ATP11A: variants seen among roughly 807,000 people sequenced by gnomAD.
ATP11A encodes the protein phospholipid-transporting ATPase IH.
A neutral mutation model predicts 154.4 loss-of-function variants in ATP11A; 81 were observed. The ratio of observed to expected loss-of-function variants is 0.52; its 90% CI spans 0.44 to 0.63. The LOEUF (loss-of-function observed/expected upper bound fraction) is 0.63, where lower values mean the gene tolerates loss of function less well. Among genes scored for constraint, ATP11A ranks in the 30% least tolerant of loss-of-function variants. The pLI is 0.00. For synonymous variants in ATP11A, 623 were observed against 585.9 expected, an observed-to-expected ratio of 1.06 and a Z score of -0.91; for missense variants, 1,316 against 1,474.3, an observed-to-expected ratio of 0.89 and a Z score of 1.76.
intron 1 of ATP11A, among the ~76,000 whole-genome samples, chr13:112,717,970 G>A (rs994031482): frequency 6.6e-6 from 1 of 152,160 alleles, no homozygotes; most frequent in South Asian, 2.1e-4. Flanking sequence ...CCAGCTACTC[G>A]GGAGCCGAGT....
chr13:112,784,685 G>A (rs531005221), intron 1 of ATP11A, among the ~76,000 whole-genome samples: 1 of 152,198 alleles, frequency 6.6e-6, no homozygotes, highest in Non-Finnish European at 1.5e-5. Flanking sequence ...ACCACACCCG[G>A]CTAATTTTTT....
At position 112,882,228 on chromosome 13, in the gene ATP11A, A is replaced by G; in HGVS notation, c.*362A>G. 4 of 886,076 alleles carry G rather than the reference A, an allele frequency of 4.5e-6. No individual in the cohort carries two copies. Among genetic ancestry groups the G allele is most frequent in the Non-Finnish European group, 4.7e-6 (3 of 641,890 alleles). 54.9% of individuals were successfully genotyped at this position (886,076 alleles called of 1,614,324 possible). A position where few individuals can be genotyped will look rare whatever the true frequency, so the allele number is the denominator to read the frequency against. On this transcript the variant is annotated 3_prime_UTR_variant, in exon 30 of 30. Coordinates refer to ENST00000375645, the MANE Select transcript of ATP11A (RefSeq NM_015205.3). The surrounding 1 kb of genome is among the most constrained non-coding windows in gnomAD (Gnocchi z 5.1). ...CAGTGGCCTCTGGGCATTCGGCTCA[A>G]CGCAGGAGGGACATTCTGCTGGCCC...
chr13:112,852,589 T>G (rs550464519), intron 18 of ATP11A, among the ~76,000 whole-genome samples: 3 of 152,186 alleles, frequency 2.0e-5, no homozygotes, highest in Non-Finnish European at 4.4e-5. Context: ...ACTCACCTGC[T>G]GTCTGTCCAG....
At chr13:112,881,183 G>A (rs1477266929) in intron 29 of ATP11A, 11 of 988,528 alleles carry the variant, frequency 1.1e-5, no homozygotes, top group South Asian at 9.3e-5. Flanking sequence ...ACCTGGGGAC[G>A]GCCCCTCATC....
At chr13:112,765,113 C>A (rs2077042570) in intron 1 of ATP11A, among the ~76,000 whole-genome samples, 1 of 152,096 alleles carries the variant, frequency 6.6e-6, no homozygotes, top group South Asian at 2.1e-4. Context: ...TGCTTCCCAG[C>A]CAGCAAAGTG....
Position 112,696,022 on chromosome 13 carries a change from C to T in ATP11A, c.39+5567C>T, listed in dbSNP as rs1427139736. Among the ~76,000 whole-genome samples the T allele has an allele frequency of 3.3e-5, 5 of 152,190 alleles. No homozygotes were observed. Among genetic ancestry groups the T allele is most frequent in the Admixed American group, 1.3e-4 (2 of 15,284 alleles). Reference sequence around the variant, plus strand: ...TCCCAGAGGTGCCGAGGTTAGGCGTCGGAGTCTGACAGACCCACATTCAAG... The same window carrying T: ...TCCCAGAGGTGCCGAGGTTAGGCGTTGGAGTCTGACAGACCCACATTCAAG... On this transcript the variant is annotated intron_variant, in intron 1 of 29. Coordinates refer to ENST00000375645, the MANE Select transcript of ATP11A (RefSeq NM_015205.3). This position sits in a 1 kb window ranked among gnomAD's most constrained non-coding sequence, Gnocchi z 6.2.
At chr13:112,788,033 CAA>C (rs2077704145) in intron 2 of ATP11A, among the ~76,000 whole-genome samples, 2 of 148,066 alleles carry the variant, frequency 1.4e-5, no homozygotes, top group African/African-American at 5.0e-5. Flanking sequence ...TAATTCACAC[CAA>C]GTGTCCTGAT....
chr13:112,798,987 C>T (rs186780613), intron 2 of ATP11A, among the ~76,000 whole-genome samples: 93 of 152,282 alleles, frequency 6.1e-4, no homozygotes, highest in African/African-American at 2.2e-3. Flanking sequence ...GCTGCTACTA[C>T]TCAAAGGGAC....
intron 1 of ATP11A, among the ~76,000 whole-genome samples, chr13:112,781,444 T>G (rs2077496726): frequency 6.6e-6 from 1 of 152,136 alleles, no homozygotes; most frequent in African/African-American, 2.4e-5. Context: ...CTGAGTTTGT[T>G]TTCGTTGCTA....
chr13:112,810,563 C>T, intron 4 of ATP11A, 56 bp from the exon 5 acceptor site: 1 of 1,422,866 alleles, frequency 7.0e-7, no homozygotes, highest in South Asian at 1.2e-5. Context: ...CCCTCCCTTT[C>T]TCCTCCTTCC....
At chr13:112,755,764 C>G in intron 1 of ATP11A, among the ~76,000 whole-genome samples, 1 of 149,262 alleles carries the variant, frequency 6.7e-6, no homozygotes, top group Non-Finnish European at 1.5e-5. Context: ...AGAGCGGCTC[C>G]CAGAACCATT....
chr13:112,855,935 C>T lies in ATP11A; in HGVS notation c.2268C>T (p.Tyr756=), dbSNP rs772985347. ...GACTTTCAGCAGATATGCAGGACTA[C>T]GGTTTAATTATCGACGGAGCTGCAC... is the stretch of plus-strand genomic sequence containing the variant. The part of the protein sequence containing the change: ...LSGLSADMQD[Y]GLIIDGAALS... Residue 756 remains tyrosine, a synonymous_variant, in exon 20 of 30, where the codon TAC becomes TAT. Coordinates refer to ENST00000375645, the MANE Select transcript of ATP11A (RefSeq NM_015205.3). The T allele has an allele frequency of 5.0e-6, 8 of 1,613,338 alleles. No individual in the cohort carries two copies. The highest frequency in any genetic ancestry group is 2.7e-5 in the African/African-American group (2 of 75,036).
rs779196249 is a variant in ATP11A, at chr13:112,824,332, T to C, written c.791-12T>C. ...GCGCCCTGGTCATCACCCTTGCTCT[T>C]CCTCTCTGTAGGTGTGGCTATTTAC... On this transcript the variant is annotated splice_polypyrimidine_tract_variant and intron_variant, in intron 9 of 29. Transcript: ENST00000375645. 1.2e-6 allele frequency: 2 copies of C among 1,610,490 alleles called. No homozygotes were observed. The highest frequency in any genetic ancestry group is 2.2e-5 in the South Asian group (2 of 91,008).
chr13:112,874,588 A>G (rs1251908337), intron 27 of ATP11A, among the ~76,000 whole-genome samples: 2 of 152,130 alleles, frequency 1.3e-5, no homozygotes, highest in African/African-American at 4.8e-5. Flanking sequence ...TAGCCGGCCT[A>G]GGGAAAGCCA....
intron 1 of ATP11A, among the ~76,000 whole-genome samples, chr13:112,728,740 C>T (rs1566392728): frequency 6.6e-6 from 1 of 152,162 alleles, no homozygotes; most frequent in Non-Finnish European, 1.5e-5. Context: ...ATTCATGGAC[C>T]TTTAACTACA....
intron 1 of ATP11A, among the ~76,000 whole-genome samples, chr13:112,783,476 C>G (rs956920019): frequency 6.6e-6 from 1 of 152,236 alleles, no homozygotes; most frequent in African/African-American, 2.4e-5. Context: ...GGGTGAGAAG[C>G]TCAGCGGGAA....
rs1396065568 is a variant in ATP11A, at chr13:112,750,580, C to T, written c.40-34555C>T. Among the ~76,000 whole-genome samples the T allele has an allele frequency of 6.9e-5, 10 of 144,512 alleles. No homozygotes were observed. The Admixed American group carries it at 7.0e-4, about 10-fold the overall frequency. 94.8% of individuals were successfully genotyped at this position (144,512 alleles called of 152,430 possible). On this transcript the variant is annotated intron_variant, in intron 1 of 29. Coordinates refer to ENST00000375645, the MANE Select transcript of ATP11A (RefSeq NM_015205.3). ...CCTTCAGCCTCTCGTGAATTTCTGT[C>T]TTAGGGAAGGAGAGTCTCCATCCTC... is the stretch of plus-strand genomic sequence containing the variant.
intron 2 of ATP11A, among the ~76,000 whole-genome samples, chr13:112,799,153 G>T (rs879409985): frequency 6.6e-6 from 1 of 152,216 alleles, no homozygotes; most frequent in Non-Finnish European, 1.5e-5. Flanking sequence ...GTCAAAATAT[G>T]TGAGGCAAAA....
chr13:112,701,451 A>G (rs665813), intron 1 of ATP11A, among the ~76,000 whole-genome samples: 125,815 of 152,176 alleles, frequency 0.83, 52,537 homozygotes, highest in East Asian at 0.95. Context: ...TTGAAATGCC[A>G]AGAATCCCAG....
Sources: gnomAD v4.1 joint callset for allele counts (sites outside exome capture counted in the v4.1 genomes callset) on GRCh38, gnomAD v4.1.1 for gene constraint, Gnocchi (gnomAD v3.1) non-coding constraint, MANE v1.5 for transcripts, NCBI Gene and HGNC (gene_info 2026-07-23, HGNC 2026-07-21) for gene names.